The following LCTL variants were observed in gnomAD, a reference collection of about 807,000 sequenced individuals.
The protein encoded by LCTL is lactase like.
Under a neutral mutation model 75.8 loss-of-function variants are expected in LCTL, and 76 were observed. That is an observed-to-expected ratio of 1.00 (90% CI 0.83 to 1.21). The LOEUF (loss-of-function observed/expected upper bound fraction) is 1.21. Ranked by LOEUF, LCTL falls within the 50% of genes most tolerant of loss-of-function variation. LCTL has a pLI of 0.00. For missense variants in LCTL, 670 were observed against 712.4 expected (o/e 0.94, Z 0.68); for synonymous variants, 271 against 268.8 (o/e 1.01, Z -0.08).
chr15:66,554,868 A>G (rs113763536), intron 8 of LCTL, among the ~76,000 whole-genome samples: 68 of 152,218 alleles, frequency 4.5e-4, no homozygotes, highest in Non-Finnish European at 7.8e-4. Context: ...CACTGACCAC[A>G]TGCACAATCC....
chr15:66,561,245 A>G (rs200524963), exon 5 of LCTL: 2 of 1,614,216 alleles, frequency 1.2e-6, no homozygotes, highest in Non-Finnish European at 1.7e-6. Context: ...CTCAAAGCAC[A>G]GGTTGGCGTA....
At chr15:66,554,093 T>C (rs968448948) in intron 8 of LCTL, among the ~76,000 whole-genome samples, 2 of 151,484 alleles carry the variant, frequency 1.3e-5, no homozygotes, top group Non-Finnish European at 2.9e-5. Flanking sequence ...GAGCTTGAGA[T>C]CAGCCTGACC....
intron 10 of LCTL, 76 bp from the exon 12 acceptor site, chr15:66,551,937 G>A: frequency 9.2e-6 from 14 of 1,529,042 alleles, no homozygotes; most frequent in Non-Finnish European, 1.2e-5. Flanking sequence ...ATGTTAAAAT[G>A]TTTTCATTTA....
intron 11 of LCTL, among the ~76,000 whole-genome samples, chr15:66,550,999 T>G (rs949296197): frequency 6.6e-6 from 1 of 152,138 alleles, no homozygotes; most frequent in African/African-American, 2.4e-5. Context: ...ATACATTTGA[T>G]TTACTTAACT....
chr15:66,563,007 C>T (rs772673649), intron 4 of LCTL, among the ~76,000 whole-genome samples: 1 of 152,208 alleles, frequency 6.6e-6, no homozygotes, highest in Non-Finnish European at 1.5e-5. Flanking sequence ...AGCAGTGTGA[C>T]CTCCCTGCCA....
intron 9 of LCTL, among the ~76,000 whole-genome samples, chr15:66,552,773 G>C (rs1202913255): frequency 6.6e-6 from 1 of 152,062 alleles, no homozygotes; most frequent in Non-Finnish European, 1.5e-5. Context: ...AATAAATGTG[G>C]GATATGAATT....
At chr15:66,561,369 T>G in intron 4 of LCTL, 54 bp from the exon 6 acceptor site, 1 of 1,607,758 alleles carries the variant, frequency 6.2e-7, no homozygotes, top group Non-Finnish European at 8.5e-7. Flanking sequence ...GCGGTTTAAA[T>G]GTGGAGATAA....
At chr15:66,549,828 A>C (rs1895531336) in intron 12 of LCTL, 1 of 402,510 alleles carries the variant, frequency 2.5e-6, no homozygotes, top group Admixed American at 4.3e-5. Flanking sequence ...TGAATGGATA[A>C]AATGGATAAA....
At chr15:66,564,747 G>A (rs1348939242) in exon 2 of LCTL, 2 of 1,613,632 alleles carry the variant, frequency 1.2e-6, no homozygotes, top group East Asian at 2.2e-5. Flanking sequence ...TTCCCACTGT[G>A]TGTGAAGACG....
At chr15:66,563,690 G>C (rs1360404653) in intron 3 of LCTL, 65 bp from the exon 5 acceptor site, 1 of 1,218,710 alleles carries the variant, frequency 8.2e-7, no homozygotes, top group Non-Finnish European at 1.2e-6. Flanking sequence ...GCCTTCTGGA[G>C]TGCAGCATTC....
exon 1 of LCTL, chr15:66,565,339 A>G: frequency 6.2e-7 from 1 of 1,613,012 alleles, no homozygotes. Flanking sequence ...GCATCCACAG[A>G]AGGGTGGCGA....
In LCTL at chr15:66,565,296, T is replaced by A. The variant is rs1477564431; in HGVS notation, c.70A>T (p.Lys24Ter). ...AAGGAGGCCTCTTCTGGGGACCCCT[T>A]CCGGGCGGCCCCCAGCCTGGGCACC... is the stretch of plus-strand genomic sequence containing the variant. Residue 24 changes from lysine (K) to a stop codon, truncating the protein, a stop_gained, in exon 1 of 13, where the codon AAG (lysine) becomes TAG (stop). Coordinates refer to ENST00000341509, the Ensembl canonical transcript of LCTL. LOFTEE classifies it high-confidence loss of function. 1 of 1,613,746 alleles carries A rather than the reference T, an allele frequency of 6.2e-7. No individual in the cohort carries two copies. Among genetic ancestry groups the A allele is most frequent in the South Asian group, 1.1e-5 (1 of 91,044 alleles).
intron 8 of LCTL, among the ~76,000 whole-genome samples, chr15:66,556,493 C>CG (rs1166016047): frequency 1.3e-5 from 2 of 152,016 alleles, no homozygotes; most frequent in Non-Finnish European, 2.9e-5. Context: ...TTAGTAGAGA[C>CG]GGGGTTTCAC....
exon 4 of LCTL, chr15:66,563,546 G>A (rs752026337): frequency 3.7e-6 from 6 of 1,612,288 alleles, no homozygotes; most frequent in Admixed American, 3.3e-5. Context: ...GCAAGGTCAC[G>A]ATGGGAGTGA....
intron 8 of LCTL, among the ~76,000 whole-genome samples, chr15:66,557,155 A>G (rs1895759627): frequency 6.6e-6 from 1 of 152,158 alleles, no homozygotes; most frequent in African/African-American, 2.4e-5. Context: ...CCTGAAGGCT[A>G]GATTACCTAG....
chr15:66,559,766 A>G (rs1449078061), intron 6 of LCTL, among the ~76,000 whole-genome samples: 1 of 152,256 alleles, frequency 6.6e-6, no homozygotes, highest in Non-Finnish European at 1.5e-5. Flanking sequence ...AAGAAGGCCC[A>G]GAAAATGACT....
intron 6 of LCTL, 96 bp downstream of exon 7, chr15:66,560,910 G>GA: frequency 9.6e-7 from 1 of 1,036,436 alleles, no homozygotes; most frequent in South Asian, 1.4e-5. Flanking sequence ...TGCTGACTCG[G>GA]AGGTGGAGCG....
At chr15:66,549,313 G>C (rs1379440171) in intron 12 of LCTL, 2 of 152,086 alleles carry the variant, frequency 1.3e-5, no homozygotes, top group African/African-American at 4.8e-5. Flanking sequence ...ATTTAAATTT[G>C]TTGAGGGGGA....
chr15:66,557,988 G>A lies in LCTL; in HGVS notation c.754C>T (p.Gln252Ter). 6.2e-7 allele frequency: 1 copy of A among 1,607,704 alleles called. No individual in the cohort carries two copies. Among genetic ancestry groups the A allele is most frequent in the Non-Finnish European group, 8.5e-7 (1 of 1,175,142 alleles). ...GTGTGGGGCCACAGCTCACCTTGCTGCTTGCTGCGCCACGTGGTGTTATAA... is the reference window on the plus strand; with the variant it reads ...GTGTGGGGCCACAGCTCACCTTGCTACTTGCTGCGCCACGTGGTGTTATAA... Residue 252 changes from glutamine to a stop codon, truncating the protein, a stop_gained, in exon 7 of 13, where the codon CAG (glutamine) becomes TAG (stop). Coordinates refer to ENST00000341509, the Ensembl canonical transcript of LCTL. LOFTEE classifies it high-confidence loss of function.
Sources: allele counts gnomAD v4.1 joint callset (sites outside exome capture counted in the v4.1 genomes callset), GRCh38; gene constraint gnomAD v4.1.1; transcripts MANE v1.5; gene names NCBI Gene and HGNC (gene_info 2026-07-23, HGNC 2026-07-21).